ADGRD1: variants seen among roughly 807,000 people sequenced by gnomAD.
ADGRD1 encodes the protein adhesion G protein-coupled receptor D1.
In ADGRD1, 77 loss-of-function variants were observed where a neutral mutation model predicts 113.4. That is an observed-to-expected ratio of 0.68 (90% CI 0.57 to 0.82). The LOEUF (loss-of-function observed/expected upper bound fraction) is 0.82, where lower values mean the gene tolerates loss of function less well. ADGRD1 is among the 40% of genes least tolerant of loss of function. The pLI is 0.00. For synonymous variants in ADGRD1, 474 were observed against 475.0 expected (o/e 1.00, Z 0.03); for missense variants, 1,036 against 1,139.1 (o/e 0.91, Z 1.30).
At chr12:131,063,195 A>C (rs574342127) in intron 13 of ADGRD1, among the ~76,000 whole-genome samples, 4 of 152,212 alleles carry the variant, frequency 2.6e-5, no homozygotes, top group Admixed American at 6.5e-5. Context: ...ATTATTATAG[A>C]TATGAATCCT....
At chr12:131,081,595 T>A (rs1886074384) in intron 14 of ADGRD1, among the ~76,000 whole-genome samples, 1 of 152,180 alleles carries the variant, frequency 6.6e-6, no homozygotes, top group African/African-American at 2.4e-5. Flanking sequence ...CCGTTCTGTG[T>A]GCTGTTGTTG....
At chr12:131,136,850 A>T in intron 22 of ADGRD1, 123 bp from the exon 23 acceptor site, 1 of 823,074 alleles carries the variant, frequency 1.2e-6, no homozygotes, top group Non-Finnish European at 2.1e-6. Context: ...GCCCCAGGTC[A>T]TGGGACCTGG....
In ADGRD1 at chr12:131,103,716, C is replaced by T. The variant is rs563928650; in HGVS notation, c.1672-1115C>T. 1.8e-4 allele frequency among the ~76,000 whole-genome samples: 27 copies of T among 152,332 alleles called. No homozygotes were observed. In the South Asian group the frequency reaches 4.1e-3, roughly 23 times the overall value. On this transcript the variant is annotated intron_variant, in intron 15 of 24. Coordinates refer to ENST00000261654, the MANE Select transcript of ADGRD1 (RefSeq NM_198827.5). ...AGAAGGCATTTAGACTCCCCCTACC[C>T]GCATGCCACAGGAGGAAGCTGGAGG... is the stretch of plus-strand genomic sequence containing the variant.
intron 13 of ADGRD1, among the ~76,000 whole-genome samples, chr12:131,019,003 T>C (rs1878978568): frequency 6.6e-6 from 1 of 152,180 alleles, no homozygotes; most frequent in Non-Finnish European, 1.5e-5. Flanking sequence ...AGGCCTCCGG[T>C]TCAGAACAGC....
chr12:131,069,825 C>T (rs1885013093), intron 13 of ADGRD1: 2 of 152,142 alleles, frequency 1.3e-5, no homozygotes, highest in South Asian at 4.1e-4. Context: ...AAAATAAGCC[C>T]TAATGAGACA....
At chr12:131,053,441 G>C (rs972007554) in intron 13 of ADGRD1, among the ~76,000 whole-genome samples, 3 of 152,178 alleles carry the variant, frequency 2.0e-5, no homozygotes, top group African/African-American at 7.2e-5. Context: ...TTAAGTAAAG[G>C]GTTTTCTGTA....
chr12:131,089,081 G>A (rs868317583), intron 15 of ADGRD1, among the ~76,000 whole-genome samples: 1 of 152,182 alleles, frequency 6.6e-6, no homozygotes, highest in Non-Finnish European at 1.5e-5. Context: ...ATTTCTGTTC[G>A]TGTCATGGGA....
intron 23 of ADGRD1, among the ~76,000 whole-genome samples, chr12:131,137,445 A>G (rs929595172): frequency 2.6e-5 from 4 of 152,182 alleles, no homozygotes; most frequent in African/African-American, 9.7e-5. Context: ...TGGGCCTGGC[A>G]CCTGCCATGT....
intron 15 of ADGRD1, among the ~76,000 whole-genome samples, chr12:131,102,149 T>A (rs916039008): frequency 6.6e-6 from 1 of 152,204 alleles, no homozygotes; most frequent in Non-Finnish European, 1.5e-5. Context: ...AGCAGAAACA[T>A]CATTTCATGG....
At chr12:131,121,704 G>A (rs1706722176) in intron 20 of ADGRD1, among the ~76,000 whole-genome samples, 1 of 152,194 alleles carries the variant, frequency 6.6e-6, no homozygotes, top group African/African-American at 2.4e-5. Context: ...AAACACGGAT[G>A]GGGATTTACA....
chr12:131,129,560 G>T (rs908399400), intron 20 of ADGRD1, among the ~76,000 whole-genome samples: 3 of 152,124 alleles, frequency 2.0e-5, no homozygotes, highest in Non-Finnish European at 4.4e-5. Flanking sequence ...TTCCAATCTT[G>T]TTACAGATGA....
chr12:131,076,246 C>G (rs1885597235), intron 13 of ADGRD1, among the ~76,000 whole-genome samples: 1 of 152,206 alleles, frequency 6.6e-6, no homozygotes, highest in African/African-American at 2.4e-5. Flanking sequence ...GAAGCTCTAT[C>G]CTTTCTGTAG....
chr12:130,972,288 T>C (rs1419142407), intron 4 of ADGRD1, among the ~76,000 whole-genome samples: 1 of 152,194 alleles, frequency 6.6e-6, no homozygotes, highest in Non-Finnish European at 1.5e-5. Flanking sequence ...TCCTTTCTCC[T>C]AGGCAAAATG....
intron 13 of ADGRD1, among the ~76,000 whole-genome samples, chr12:131,055,117 G>T (rs563622028): frequency 5.9e-5 from 9 of 152,294 alleles, no homozygotes; most frequent in African/African-American, 2.2e-4. Context: ...CGCTTAATTT[G>T]TGGAGGGAAA....
intron 14 of ADGRD1, among the ~76,000 whole-genome samples, chr12:131,080,269 T>C (rs574800493): frequency 1.3e-5 from 2 of 152,352 alleles, no homozygotes; most frequent in African/African-American, 4.8e-5. Context: ...TAATTCCAAA[T>C]AGTTGGGAAT....
At chr12:131,019,041 T>G (rs1878984047) in intron 13 of ADGRD1, among the ~76,000 whole-genome samples, 1 of 152,210 alleles carries the variant, frequency 6.6e-6, no homozygotes. Context: ...TGCCCGGGTG[T>G]GCACACTTCA....
At chr12:131,038,885 AG>A (rs1458245469) in intron 13 of ADGRD1, among the ~76,000 whole-genome samples, 2 of 152,240 alleles carry the variant, frequency 1.3e-5, no homozygotes, top group Non-Finnish European at 2.9e-5. Flanking sequence ...AAAACATAAA[AG>A]GGAAAAGACT....
chr12:131,101,727 C>T (rs1224873798), intron 15 of ADGRD1, among the ~76,000 whole-genome samples: 2 of 152,290 alleles, frequency 1.3e-5, no homozygotes, highest in South Asian at 2.1e-4. Context: ...TGCTGAAGAG[C>T]TGGACGTTCG....
At chr12:131,056,384 A>C (rs1841755247) in intron 13 of ADGRD1, among the ~76,000 whole-genome samples, 1 of 152,200 alleles carries the variant, frequency 6.6e-6, no homozygotes, top group Non-Finnish European at 1.5e-5. Flanking sequence ...TTTATAAAGA[A>C]TGTTCTCCTA....
Sources: gnomAD v4.1 joint callset for allele counts (sites outside exome capture counted in the v4.1 genomes callset) on GRCh38, gnomAD v4.1.1 for gene constraint, MANE v1.5 for transcripts, NCBI Gene and HGNC (gene_info 2026-07-23, HGNC 2026-07-21) for gene names.